The following POLR2F variants were observed in gnomAD, a reference collection of about 807,000 sequenced individuals.
The protein encoded by POLR2F is RNA polymerase II, I and III subunit F.
POLR2F carries 12 observed loss-of-function variants against 22.7 expected under a neutral mutation model. The observed-to-expected ratio is 0.53, with a 90% CI of 0.34 to 0.86. The LOEUF is 0.86. Among genes scored for constraint, POLR2F ranks in the 40% least tolerant of loss-of-function variants. The pLI is 0.02. For synonymous variants in POLR2F, 57 were observed against 66.0 expected, an observed-to-expected ratio of 0.86 and a Z score of 0.66; for missense variants, 126 against 171.5, an observed-to-expected ratio of 0.73 and a Z score of 1.48.
intron 3 of POLR2F, among the ~76,000 whole-genome samples, chr22:37,961,725 T>G (rs1569163143): frequency 6.6e-6 from 1 of 152,154 alleles, no homozygotes; most frequent in Non-Finnish European, 1.5e-5. Context: ...CCTGCTTTTT[T>G]TCCCCCCAGG....
intron 1 of POLR2F, among the ~76,000 whole-genome samples, chr22:38,006,703 G>A (rs2084824486): frequency 6.6e-6 from 1 of 152,234 alleles, no homozygotes; most frequent in Non-Finnish European, 1.5e-5. Context: ...CTGGCTTGGG[G>A]AGGCAGCAAC....
chr22:38,010,880 G>T (rs1355483555), intron 1 of POLR2F, among the ~76,000 whole-genome samples: 1 of 152,138 alleles, frequency 6.6e-6, no homozygotes, highest in Non-Finnish European at 1.5e-5. Context: ...GCCTCCCAAA[G>T]TGCTGGGATA....
At chr22:37,992,952 G>T (rs1170419176) in intron 1 of POLR2F, among the ~76,000 whole-genome samples, 2 of 152,202 alleles carry the variant, frequency 1.3e-5, no homozygotes, top group Admixed American at 1.3e-4. Flanking sequence ...GCTGTCTGTG[G>T]GGTAAATAAA....
At chr22:37,955,575 G>A (rs1186416616) in intron 1 of POLR2F, among the ~76,000 whole-genome samples, 1 of 151,370 alleles carries the variant, frequency 6.6e-6, no homozygotes, top group East Asian at 1.9e-4. Flanking sequence ...TGATCCAGTA[G>A]AGAGGGAAAC....
At chr22:38,033,418 G>C (rs2085084663) in intron 5 of POLR2F, among the ~76,000 whole-genome samples, 1 of 152,232 alleles carries the variant, frequency 6.6e-6, no homozygotes, top group Non-Finnish European at 1.5e-5. Flanking sequence ...CCAGAGTCTA[G>C]AGGTTGCAGC....
At chr22:38,009,057 A>C (rs2084849178) in intron 1 of POLR2F, among the ~76,000 whole-genome samples, 1 of 152,152 alleles carries the variant, frequency 6.6e-6, no homozygotes, top group Non-Finnish European at 1.5e-5. Flanking sequence ...TCTGGGGAAG[A>C]ACATTCCAGA....
intron 1 of POLR2F, among the ~76,000 whole-genome samples, chr22:38,005,115 TGACA>T (rs2084808951): frequency 6.6e-6 from 1 of 152,246 alleles, no homozygotes; most frequent in Non-Finnish European, 1.5e-5. Context: ...TGCTCCATAC[TGACA>T]GTTATGAGAA....
intron 3 of POLR2F, among the ~76,000 whole-genome samples, chr22:37,961,543 G>C (rs913624230): frequency 6.6e-6 from 1 of 152,184 alleles, no homozygotes; most frequent in Non-Finnish European, 1.5e-5. Context: ...AGATAGAGTA[G>C]ACAGGTGGAG....
chr22:38,022,161 G>C (rs1406354297), intron 1 of POLR2F, among the ~76,000 whole-genome samples: 1 of 151,014 alleles, frequency 6.6e-6, no homozygotes, highest in African/African-American at 2.4e-5. Context: ...TGCCTCCTGA[G>C]TTTGGATAGT....
At chr22:38,025,691 G>A in intron 1 of POLR2F, 3 of 1,540,496 alleles carry the variant, frequency 1.9e-6, no homozygotes, top group Non-Finnish European at 2.6e-6. Flanking sequence ...CCTGCTGGGT[G>A]GATATCATCA....
chr22:38,029,224 A>T (rs892850765), downstream of POLR2F, among the ~76,000 whole-genome samples: 6 of 152,198 alleles, frequency 3.9e-5, no homozygotes, highest in African/African-American at 1.4e-4. Flanking sequence ...ATCCCAGAAT[A>T]GGAGATGCAG....
intron 1 of POLR2F, among the ~76,000 whole-genome samples, chr22:38,004,745 C>A (rs865993845): frequency 2.0e-5 from 3 of 152,210 alleles, no homozygotes; most frequent in Middle Eastern, 3.4e-3. Flanking sequence ...AGGAGCTCGA[C>A]ACCAGTCTGG....
rs1160005364 is a variant in POLR2F at position 37,997,327 on chromosome 22, GA to G, written c.120+11017del. ...TCTGTCCCCAGCCTCCTCTCTCTGG[GA>G]AGCTTTTTAATTTTGACCCCACATC... On this transcript the variant is annotated intron_variant, in intron 1 of 2. Coordinates refer to the POLR2F transcript ENST00000333418. The surrounding 1 kb of genome is among the most constrained non-coding windows in gnomAD (Gnocchi z 4.4). Among the ~76,000 whole-genome samples, 2 of 151,980 alleles carry G rather than the reference GA, an allele frequency of 1.3e-5. No homozygotes were observed. Among genetic ancestry groups the G allele is most frequent in the Admixed American group, 6.6e-5 (1 of 15,252 alleles).
At chr22:38,004,172 G>C (rs1168748657) in intron 1 of POLR2F, among the ~76,000 whole-genome samples, 1 of 69,400 alleles carries the variant, frequency 1.4e-5, no homozygotes, top group East Asian at 4.1e-4. Context: ...TTCTTTTGTA[G>C]AGATGTGGGG....
chr22:38,008,995 G>A (rs2084848688), intron 1 of POLR2F, among the ~76,000 whole-genome samples: 1 of 152,224 alleles, frequency 6.6e-6, no homozygotes, highest in Non-Finnish European at 1.5e-5. Flanking sequence ...CTCTGAGAAG[G>A]TGGCATATGC....
chr22:38,011,334 G>A (rs1306400750), intron 1 of POLR2F, among the ~76,000 whole-genome samples: 1 of 151,324 alleles, frequency 6.6e-6, no homozygotes, highest in African/African-American at 2.4e-5. Context: ...TGAACTCCTG[G>A]GATCAAGTAA....
chr22:38,026,539 T>C, exon 3 of POLR2F: 1 of 339,744 alleles, frequency 2.9e-6, no homozygotes, highest in Middle Eastern at 1.1e-3. Flanking sequence ...ATGGCCCCTC[T>C]TTCCCCACCG....
At chr22:38,034,788 G>A (rs1401468407) in intron 5 of POLR2F, among the ~76,000 whole-genome samples, 2 of 152,206 alleles carry the variant, frequency 1.3e-5, no homozygotes, top group Admixed American at 1.3e-4. Flanking sequence ...GAGACACAGA[G>A]CGCACTGGAG....
chr22:38,033,492 CGACA>C (rs753699575), intron 5 of POLR2F, among the ~76,000 whole-genome samples: 20 of 152,186 alleles, frequency 1.3e-4, no homozygotes, highest in Non-Finnish European at 2.9e-4. Flanking sequence ...CCAGATGGGG[CGACA>C]GACAGGCCCA....
Sources: allele counts gnomAD v4.1 joint callset (sites outside exome capture counted in the v4.1 genomes callset), GRCh38; gene constraint gnomAD v4.1.1; non-coding constraint Gnocchi (gnomAD v3.1); transcripts MANE v1.5; gene names NCBI Gene and HGNC (gene_info 2026-07-23, HGNC 2026-07-21).